Variants in CSMD1 observed in about 807,000 individuals in gnomAD.
CSMD1 encodes the protein CUB and Sushi multiple domains 1, also known as CUB and sushi domain-containing protein 1.
CSMD1 carries 213 observed loss-of-function variants against 417.5 expected under a neutral mutation model. The observed-to-expected ratio is 0.51, with a 90% CI of 0.46 to 0.57. CSMD1 has a LOEUF of 0.57. CSMD1 is among the 20% of genes least tolerant of loss of function. The pLI, the probability that CSMD1 is intolerant of heterozygous loss-of-function variation, is 0.00. For missense variants in CSMD1, 6,923 were observed against 4,529.7 expected (o/e 1.53, Z -15.17); for synonymous variants, 2,862 against 1,736.8 (o/e 1.65, Z -16.11).
rs779249764 is a variant in CSMD1, at chr8:4,452,854, AG to A, written c.303-32790del. ...GAAAAAAACTAAAGGCAAAATGAGA[AG>A]GTGATATAGGAAGGCCGACTGTGAA... is the stretch of plus-strand genomic sequence containing the variant. On this transcript the variant is annotated intron_variant, in intron 2 of 69. Coordinates refer to ENST00000635120, the MANE Select transcript of CSMD1 (RefSeq NM_033225.6). 2.6e-4 allele frequency among the ~76,000 whole-genome samples: 39 copies of A among 152,190 alleles called. 1 individual carries two copies. The highest frequency in any genetic ancestry group is 5.2e-4 in the Admixed American group (8 of 15,280).
intron 51 of CSMD1, among the ~76,000 whole-genome samples, chr8:3,027,933 G>T (rs571414992): frequency 7.8e-4 from 119 of 152,296 alleles, no homozygotes; most frequent in Non-Finnish European, 1.2e-3. Flanking sequence ...TAAGGAGAAG[G>T]CTCTCCACTG....
intron 6 of CSMD1, among the ~76,000 whole-genome samples, chr8:3,725,833 A>C (rs1239355094): frequency 6.6e-6 from 1 of 152,158 alleles, no homozygotes; most frequent in Non-Finnish European, 1.5e-5. Flanking sequence ...ATCTCAACCC[A>C]TGTATTCCAC....
intron 2 of CSMD1, among the ~76,000 whole-genome samples, chr8:4,424,036 A>T (rs1459938690): frequency 6.6e-6 from 1 of 152,092 alleles, no homozygotes; most frequent in African/African-American, 2.4e-5. Flanking sequence ...CCTTATATAA[A>T]AATTACCTCA....
rs574393218 is a variant in CSMD1, at chr8:3,142,450, G to A, written c.6241+15C>T. ...TATTTAGATTTGGGTTTCGGTTCTC[G>A]TTGTTGTTCCATACCTTGGTAAGCA... On this transcript the variant is annotated intron_variant, in intron 41 of 69. Coordinates refer to ENST00000635120, the MANE Select transcript of CSMD1 (RefSeq NM_033225.6). 3 of 1,604,708 alleles carry A rather than the reference G, an allele frequency of 1.9e-6. No homozygotes were observed. Among genetic ancestry groups the A allele is most frequent in the Non-Finnish European group, 2.6e-6 (3 of 1,173,622 alleles).
Position 2,950,355 on chromosome 8 carries a change from T to A in CSMD1, c.10202-12A>T. 1.3e-6 allele frequency: 2 copies of A among 1,553,502 alleles called. No homozygotes were observed. Among genetic ancestry groups the A allele is most frequent in the Non-Finnish European group, 1.8e-6 (2 of 1,125,022 alleles). ...CTTCTTGTAAATGCCTGTGAAAAGA[T>A]CAGCAGTTTAGGCTTACCTTGGAGA... On this transcript the variant is annotated splice_polypyrimidine_tract_variant and intron_variant, in intron 66 of 69. Transcript: ENST00000635120.
At chr8:3,535,857 G>A (rs531961616) in intron 10 of CSMD1, among the ~76,000 whole-genome samples, 2 of 152,190 alleles carry the variant, frequency 1.3e-5, no homozygotes, top group Admixed American at 6.5e-5. Flanking sequence ...GTGGTATTTG[G>A]CCCTGTTGTA....
intron 3 of CSMD1, among the ~76,000 whole-genome samples, chr8:4,329,876 A>T (rs920100568): frequency 7.3e-5 from 11 of 150,756 alleles, no homozygotes; most frequent in Non-Finnish European, 1.2e-4. Context: ...ACACACACAG[A>T]CACACACACT....
intron 3 of CSMD1, among the ~76,000 whole-genome samples, chr8:4,192,337 C>T (rs1799078539): frequency 6.6e-6 from 1 of 152,152 alleles, no homozygotes; most frequent in Non-Finnish European, 1.5e-5. Context: ...TCAGGAGGAG[C>T]TATAATCAGC....
At chr8:3,904,862 C>G (rs1003813773) in intron 5 of CSMD1, among the ~76,000 whole-genome samples, 4 of 152,134 alleles carry the variant, frequency 2.6e-5, no homozygotes, top group African/African-American at 9.6e-5. Context: ...GTCTCAAACT[C>G]TTGACCTCAA....
At chr8:3,012,785 T>C (rs1808502442) in intron 52 of CSMD1, among the ~76,000 whole-genome samples, 2 of 152,188 alleles carry the variant, frequency 1.3e-5, no homozygotes, top group South Asian at 4.1e-4. Context: ...GCTCTCTTTC[T>C]CTGTACACAG....
chr8:3,959,789 AG>A (rs1812200144), intron 5 of CSMD1, among the ~76,000 whole-genome samples: 1 of 152,142 alleles, frequency 6.6e-6, no homozygotes. Flanking sequence ...GAATAGCTGC[AG>A]GTACTCTGAC....
chr8:3,649,019 C>T (rs758582429), intron 7 of CSMD1, among the ~76,000 whole-genome samples: 18 of 152,032 alleles, frequency 1.2e-4, no homozygotes, highest in Non-Finnish European at 2.4e-4. Flanking sequence ...TATGTACTGT[C>T]CAAGGTCACA....
At chr8:3,682,630 GT>G (rs1563268570) in intron 7 of CSMD1, among the ~76,000 whole-genome samples, 1 of 152,196 alleles carries the variant, frequency 6.6e-6, no homozygotes, top group African/African-American at 2.4e-5. Context: ...GGAAGACAGT[GT>G]GGTGATTCCT....
At chr8:4,576,887 A>T (rs1046895071) in intron 2 of CSMD1, among the ~76,000 whole-genome samples, 1 of 152,212 alleles carries the variant, frequency 6.6e-6, no homozygotes, top group African/African-American at 2.4e-5. Context: ...AGTTATGATT[A>T]AATAATTTTT....
chr8:4,189,227 C>T (rs979188896), intron 3 of CSMD1, among the ~76,000 whole-genome samples: 1 of 152,158 alleles, frequency 6.6e-6, no homozygotes, highest in Admixed American at 6.5e-5. Context: ...GCCCCAGGAC[C>T]CATAACAGAT....
At chr8:4,948,870 C>G (rs995954497) in intron 1 of CSMD1, among the ~76,000 whole-genome samples, 1 of 151,982 alleles carries the variant, frequency 6.6e-6, no homozygotes, top group African/African-American at 2.4e-5. Flanking sequence ...TCTTTTCATT[C>G]CGATTTTAGA....
chr8:4,237,276 G>T (rs1485497675), intron 3 of CSMD1, among the ~76,000 whole-genome samples: 1 of 152,162 alleles, frequency 6.6e-6, no homozygotes, highest in Non-Finnish European at 1.5e-5. Flanking sequence ...GAGTGAGGGT[G>T]TTTATATTAA....
At chr8:4,467,808 G>C (rs1220434195) in intron 2 of CSMD1, among the ~76,000 whole-genome samples, 2 of 152,188 alleles carry the variant, frequency 1.3e-5, no homozygotes, top group Non-Finnish European at 2.9e-5. Context: ...GAAAGAACTA[G>C]TGAAATAATT....
At chr8:4,627,634 C>A (rs760486312) in intron 2 of CSMD1, among the ~76,000 whole-genome samples, 2 of 152,080 alleles carry the variant, frequency 1.3e-5, no homozygotes, top group Non-Finnish European at 2.9e-5. Context: ...TGACACGATG[C>A]CCAACATCAC....
Sources: allele counts gnomAD v4.1 joint callset (sites outside exome capture counted in the v4.1 genomes callset), GRCh38; gene constraint gnomAD v4.1.1; transcripts MANE v1.5; gene names NCBI Gene and HGNC (gene_info 2026-07-23, HGNC 2026-07-21).